KLF12: variants seen among roughly 807,000 people sequenced by gnomAD.
KLF12 encodes the protein Krueppel-like factor 12.
KLF12 carries 9 observed loss-of-function variants against 37.8 expected under a neutral mutation model. That is an observed-to-expected ratio of 0.24 (90% CI 0.14 to 0.42). The LOEUF is 0.42. Ranked by LOEUF, KLF12 falls within the 10% of genes least tolerant of loss-of-function variation. The pLI is 1.00. For synonymous variants in KLF12, 208 were observed against 202.1 expected (o/e 1.03, Z -0.25); for missense variants, 411 against 516.0 (o/e 0.80, Z 1.97).
At chr13:73,723,369 C>T (rs1876418170) in intron 6 of KLF12, among the ~76,000 whole-genome samples, 1 of 152,132 alleles carries the variant, frequency 6.6e-6, no homozygotes, top group Admixed American at 6.5e-5. Context: ...ACTAGACATA[C>T]CCACTGAATG....
the KLF12 span, among the ~76,000 whole-genome samples, chr13:74,190,973 AG>A: frequency 1.3e-5 from 2 of 152,170 alleles, no homozygotes; most frequent in Non-Finnish European, 2.9e-5. Flanking sequence ...TGGGACCTGC[AG>A]TTACTCTGCC....
chr13:73,919,789 T>C (rs1380749530), intron 3 of KLF12, among the ~76,000 whole-genome samples: 1 of 152,200 alleles, frequency 6.6e-6, no homozygotes, highest in South Asian at 2.1e-4. Flanking sequence ...AACATGTTCA[T>C]TCCTCATGTG....
chr13:74,100,886 G>A (rs1876302020), intron 1 of KLF12, among the ~76,000 whole-genome samples: 1 of 152,076 alleles, frequency 6.6e-6, no homozygotes, highest in Non-Finnish European at 1.5e-5. Flanking sequence ...AGCCCATGGA[G>A]GGGATCTCTC....
At chr13:73,728,377 T>C (rs1876820797) in intron 6 of KLF12, among the ~76,000 whole-genome samples, 1 of 152,244 alleles carries the variant, frequency 6.6e-6, no homozygotes, top group South Asian at 2.1e-4. Context: ...TTAGATTTCC[T>C]ATATACAAGA....
At chr13:73,782,691 T>C (rs1194140542) in intron 5 of KLF12, among the ~76,000 whole-genome samples, 1 of 152,236 alleles carries the variant, frequency 6.6e-6, no homozygotes, top group Non-Finnish European at 1.5e-5. Flanking sequence ...CCATACTAAT[T>C]ATCTGCTGAT....
chr13:73,886,340 A>C (rs1366562429), intron 3 of KLF12, among the ~76,000 whole-genome samples: 3 of 152,222 alleles, frequency 2.0e-5, no homozygotes, highest in African/African-American at 4.8e-5. Flanking sequence ...ATTCTGCATG[A>C]ATCTGTGCTC....
rs1398595283 is a variant in KLF12, at chr13:74,072,364, A to AATATATTTATATAT, written c.-32+61374_-32+61375insATATATAAATATAT. Among the ~76,000 whole-genome samples the AATATATTTATATAT allele has an allele frequency of 1.1e-4, 7 of 63,064 alleles. 1 individual carries two copies. The highest frequency in any genetic ancestry group is 1.3e-4 in the Non-Finnish European group (4 of 31,284). The allele number at this position is 63,064 out of a possible 152,430, so 41.4% of individuals were successfully genotyped here. A position where few individuals can be genotyped will look rare whatever the true frequency, so the allele number is the denominator to read the frequency against. Reference sequence around the variant, plus strand: ...ATCTTTTTAAGAATTAAGAAATACAAATATATATATATATATATATATATA... The same window carrying AATATATTTATATAT: ...ATCTTTTTAAGAATTAAGAAATACAAATATATTTATATATATATATATATATATATATATATATA... On this transcript the variant is annotated intron_variant, in intron 1 of 7. Coordinates refer to ENST00000377669, the MANE Select transcript of KLF12 (RefSeq NM_007249.5).
At chr13:73,829,489 G>A (rs529843583) in intron 4 of KLF12, among the ~76,000 whole-genome samples, 1 of 151,838 alleles carries the variant, frequency 6.6e-6, no homozygotes, top group Non-Finnish European at 1.5e-5. Context: ...AGTTCTAGGT[G>A]GTATCATTTT....
Position 73,809,406 on chromosome 13 carries a change from A to G in KLF12, c.806+3746T>C, listed in dbSNP as rs570930165. Reference sequence around the variant, plus strand: ...AAGAAAGAGAAATTAATGGTGAAATAGTCATATCCATTAATTAATAAAGGA... The same window carrying G: ...AAGAAAGAGAAATTAATGGTGAAATGGTCATATCCATTAATTAATAAAGGA... On this transcript the variant is annotated intron_variant, in intron 5 of 7. Coordinates refer to ENST00000377669, the MANE Select transcript of KLF12 (RefSeq NM_007249.5). Among the ~76,000 whole-genome samples the G allele has an allele frequency of 1.1e-4, 16 of 152,302 alleles. No homozygotes were observed. The South Asian group carries it at 3.3e-3, about 32-fold the overall frequency.
chr13:74,221,369 A>T, the KLF12 span, among the ~76,000 whole-genome samples: 1 of 151,376 alleles, frequency 6.6e-6, no homozygotes, highest in African/African-American at 2.4e-5. Flanking sequence ...TATGTTTTCT[A>T]TTTTTTGTTA....
the KLF12 span, among the ~76,000 whole-genome samples, chr13:74,186,106 T>C: frequency 6.6e-6 from 1 of 152,164 alleles, no homozygotes; most frequent in Non-Finnish European, 1.5e-5. Context: ...AAATGCATGA[T>C]CATATACCAA....
At position 73,826,790 on chromosome 13, in the gene KLF12, A is replaced by G. The variant is rs141144120; in HGVS notation, c.671-13503T>C. On this transcript the variant is annotated intron_variant, in intron 4 of 7. Transcript: ENST00000377669. ...CACACACACACACACACACACATAT[A>G]TATTTTTTTGAGACAGGGTCTCACT... Among the ~76,000 whole-genome samples the G allele has an allele frequency of 2.0e-3, 301 of 152,090 alleles. 7 individuals carry two copies. The East Asian group carries it at 0.042, about 21-fold the overall frequency.
intron 2 of KLF12, among the ~76,000 whole-genome samples, chr13:73,975,638 T>G (rs1040150193): frequency 3.3e-5 from 5 of 152,314 alleles, no homozygotes; most frequent in Non-Finnish European, 5.9e-5. Context: ...CAAACACACC[T>G]TCTTAGGTTA....
At chr13:74,091,863 A>G (rs924447125) in intron 1 of KLF12, among the ~76,000 whole-genome samples, 3 of 152,200 alleles carry the variant, frequency 2.0e-5, no homozygotes, top group African/African-American at 7.2e-5. Flanking sequence ...TAACATATGT[A>G]CCACTCTGAT....
In KLF12 at chr13:74,111,292, T is replaced by C. The variant is rs374850502; in HGVS notation, c.-32+22447A>G. ...AAACAGAACAGATGGTACTGTACTG[T>C]AGCCTGAAAGAAAATTTGAATCATA... On this transcript the variant is annotated intron_variant, in intron 1 of 7. Coordinates refer to ENST00000377669, the MANE Select transcript of KLF12 (RefSeq NM_007249.5). 1.7e-3 allele frequency among the ~76,000 whole-genome samples: 255 copies of C among 152,258 alleles called. 10 individuals carry two copies. The South Asian group carries it at 0.052, about 31-fold the overall frequency.
chr13:73,997,396 C>T (rs1237261763), intron 1 of KLF12, among the ~76,000 whole-genome samples: 1 of 152,140 alleles, frequency 6.6e-6, no homozygotes, highest in African/African-American at 2.4e-5. Flanking sequence ...ATACAGCAAT[C>T]TGTAAAATGT....
At chr13:74,257,669 G>A in the KLF12 span, 6 of 152,096 alleles carry the variant, frequency 3.9e-5, no homozygotes, top group African/African-American at 7.3e-5. Flanking sequence ...AGCTTGATAC[G>A]GAAATTAATT....
intron 6 of KLF12, among the ~76,000 whole-genome samples, chr13:73,725,112 AT>A (rs534557085): frequency 6.6e-6 from 1 of 151,880 alleles, no homozygotes; most frequent in East Asian, 1.9e-4. Context: ...TTTATTTTTT[AT>A]TTTTTTGAGA....
chr13:74,024,945 G>C (rs1892937071), intron 1 of KLF12, among the ~76,000 whole-genome samples: 1 of 152,066 alleles, frequency 6.6e-6, no homozygotes, highest in Admixed American at 6.5e-5. Context: ...ACTATGTTAA[G>C]TTCTCAACAT....
Sources: gnomAD v4.1 joint callset for allele counts (sites outside exome capture counted in the v4.1 genomes callset) on GRCh38, gnomAD v4.1.1 for gene constraint, MANE v1.5 for transcripts, NCBI Gene and HGNC (gene_info 2026-07-23, HGNC 2026-07-21) for gene names.